The following DUOX2 variants were observed in gnomAD, a reference collection of about 807,000 sequenced individuals.
DUOX2 encodes the protein dual oxidase 2.
Under a neutral mutation model 183.3 loss-of-function variants are expected in DUOX2, and 185 were observed. That is an observed-to-expected ratio of 1.01 (90% CI 0.90 to 1.14). The LOEUF is 1.14. Ranked by LOEUF, DUOX2 falls within the 50% of genes most tolerant of loss-of-function variation. The pLI, the probability that DUOX2 is intolerant of heterozygous loss-of-function variation, is 0.00. For missense variants in DUOX2, 1,999 were observed against 2,022.9 expected (o/e 0.99, Z 0.23); for synonymous variants, 788 against 812.4 (o/e 0.97, Z 0.51).
At chr15:45,110,560 C>T (rs780318216) in intron 8 of DUOX2, 36 bp from the exon 9 acceptor site, 1 of 1,613,630 alleles carries the variant, frequency 6.2e-7, no homozygotes, top group South Asian at 1.1e-5. Context: ...GGGAGACAGG[C>T]TTCTTGCCTC....
At chr15:45,108,728 T>C in intron 12 of DUOX2, 61 bp downstream of exon 12, 1 of 1,551,206 alleles carries the variant, frequency 6.4e-7, no homozygotes, top group Non-Finnish European at 8.9e-7. Flanking sequence ...ATGTAAAGGG[T>C]TTGGAACAGT....
Position 45,113,076 on chromosome 15 carries a change from C to T in DUOX2, c.71G>A (p.Gly24Asp), listed in dbSNP as rs767490701. The T allele has an allele frequency of 1.2e-6, 2 of 1,613,548 alleles. No individual in the cohort carries two copies. Among genetic ancestry groups the T allele is most frequent in the Admixed American group, 3.3e-5 (2 of 59,964 alleles). The change falls in exon 3 of 34, where the codon GGC becomes GAC. Residue 24 changes from glycine (G) to aspartate (D), a missense_variant and splice_region_variant. This residue lies in a region of DUOX2 where 356 missense variants were observed against 356.4 expected (regional missense o/e 1.00). Transcript: ENST00000389039. The part of the protein sequence containing the change: ...ALLTGSLGPS[G>D]SQDALSLPWE... The stretch of plus-strand genomic sequence containing the variant: ...GGGCAGTGAGAGTGCGTCCTGACTG[C>T]CTGTGGGCACAGAGAAGGGCCTCCT...
chr15:45,102,651 G>A (rs770278083), intron 20 of DUOX2, among the ~76,000 whole-genome samples: 1 of 152,148 alleles, frequency 6.6e-6, no homozygotes, highest in East Asian at 1.9e-4. Flanking sequence ...TCGTCCCACC[G>A]ACAGTAAGCA....
chr15:45,107,886 A>AAAAAGAAAAAGAAAAAG (rs58052033), intron 13 of DUOX2, among the ~76,000 whole-genome samples, 161 bp downstream of exon 13: 10 of 124,734 alleles, frequency 8.0e-5, no homozygotes, highest in Non-Finnish European at 1.4e-4. Context: ...AAAGAAAAAG[A>AAAAAGAAAAAGAAAAAG]AAAAGAGAAG....
rs1428135505 is a variant in DUOX2 at position 45,106,908 on chromosome 15, C to A, written c.1755G>T (p.Leu585=). Residue 585 remains leucine, a synonymous_variant, in exon 15 of 34, where the codon CTG becomes CTT. Coordinates refer to ENST00000389039, the MANE Select transcript of DUOX2 (RefSeq NM_001363711.2). ...TTDGLPQCAP[L]TVLDFFEGSS... ...TGCCTTCAAAGAAGTCAAGCACAGT[C>A]AGGGGTGCACACTGGGGCAGGCCGT... The A allele has an allele frequency of 6.3e-7, 1 of 1,583,000 alleles. No individual in the cohort carries two copies. Among genetic ancestry groups the A allele is most frequent in the South Asian group, 1.2e-5 (1 of 86,240 alleles).
Position 45,110,433 on chromosome 15 carries a change from G to T in DUOX2, c.1035C>A (p.Tyr345Ter). The T allele has an allele frequency of 6.2e-7, 1 of 1,613,592 alleles. No individual in the cohort carries two copies. The highest frequency in any genetic ancestry group is 8.5e-7 in the Non-Finnish European group (1 of 1,179,668). The change falls in exon 9 of 34, where the codon TAC (tyrosine) becomes TAA (stop). Residue 345 changes from tyrosine (Y) to a stop codon, truncating the protein, a stop_gained. Coordinates refer to ENST00000389039, the MANE Select transcript of DUOX2 (RefSeq NM_001363711.2). LOFTEE classifies it high-confidence loss of function. ...TCTGCCAACCCCTCCCTCACCTCAT[G>T]TAGACACCAGGGGGCACCATGGTAG... Reference protein sequence around the residue: ...FFSTMVPPGVYMRNASCHFRK... With the variant: ...FFSTMVPPGV
chr15:45,097,878 A>G (rs1893948016), intron 27 of DUOX2, 131 bp downstream of exon 27: 3 of 1,553,610 alleles, frequency 1.9e-6, no homozygotes, highest in Non-Finnish European at 2.7e-6. Flanking sequence ...GCCTGGAGGG[A>G]TTTGAGCTGG....
intron 26 of DUOX2, chr15:45,099,136 G>A (rs1157745870): frequency 2.0e-5 from 8 of 398,384 alleles, no homozygotes; most frequent in East Asian, 1.1e-4. Flanking sequence ...TCAGCCTCCC[G>A]AGTAGCTGGG....
chr15:45,098,095 C>T, intron 26 of DUOX2, 37 bp from the exon 27 acceptor site: 1 of 1,598,884 alleles, frequency 6.3e-7, no homozygotes, highest in East Asian at 2.2e-5. Context: ...CTGACTGGGG[C>T]AGGAGGGGCT....
rs1485965084 is a variant in DUOX2 at position 45,108,173 on chromosome 15, T to C, written c.1448A>G (p.Glu483Gly). 2.5e-6 allele frequency: 4 copies of C among 1,614,002 alleles called. No homozygotes were observed. The highest frequency in any genetic ancestry group is 3.4e-6 in the Non-Finnish European group (4 of 1,180,008). The change falls in exon 13 of 34, where the codon GAG (glutamate) becomes GGG (glycine). Residue 483 changes from glutamate to glycine, a missense_variant. Around this residue, in one of 3 missense-constraint regions of DUOX2, gnomAD observed 1,628 missense variants for 1,608.6 expected, o/e 1.01. Transcript: ENST00000389039. ...ALYNQDLSQL[E>G]LLLGGLLESH... The stretch of plus-strand genomic sequence containing the variant: ...CTCCAGGAGCCCCCCAAGGAGCAGC[T>C]CTAGCTGGGATAGGTCCTGGTTGTA...
At position 45,104,341 on chromosome 15, in the gene DUOX2, C is replaced by A; in HGVS notation, c.2359G>T (p.Ala787Ser). 1 of 1,613,832 alleles carries A rather than the reference C, an allele frequency of 6.2e-7. No homozygotes were observed. The highest frequency in any genetic ancestry group is 8.5e-7 in the Non-Finnish European group (1 of 1,179,942). ...AQVLDINQAD[A>S]GTLPLDSSQK... ...GAGGAGTCCAGGGGCAGGGTCCCTG[C>A]GTCGGCCTGGTTGATGTCCAGCACC... is the stretch of plus-strand genomic sequence containing the variant. The change falls in exon 19 of 34, where the codon GCA becomes TCA. Residue 787 changes from alanine to serine, a missense_variant. By Grantham distance (99) the Ala-to-Ser change is moderately conservative. Coordinates refer to ENST00000389039, the MANE Select transcript of DUOX2 (RefSeq NM_001363711.2).
In DUOX2 at chr15:45,108,847, G is replaced by T. The variant is rs761332313; in HGVS notation, c.1340C>A (p.Ala447Asp). Residue 447 changes from alanine to aspartate, a missense_variant, in exon 12 of 34, where the codon GCC becomes GAC. Around this residue, in one of 3 missense-constraint regions of DUOX2, gnomAD observed 1,628 missense variants for 1,608.6 expected, o/e 1.01. Coordinates refer to ENST00000389039, the MANE Select transcript of DUOX2 (RefSeq NM_001363711.2). ...GLPSYSQALL[A>D]FGLDIPRNWS... ...GTTCCTTGGGATGTCCAGCCCAAAG[G>T]CCAGCAGGGCCTGGCTATAGCTGGG... The T allele has an allele frequency of 6.2e-7, 1 of 1,614,248 alleles. No homozygotes were observed. The highest frequency in any genetic ancestry group is 8.5e-7 in the Non-Finnish European group (1 of 1,180,042).
At chr15:45,101,075 T>C in intron 22 of DUOX2, 130 bp downstream of exon 22, 2 of 846,654 alleles carry the variant, frequency 2.4e-6, no homozygotes, top group Non-Finnish European at 3.9e-6. Context: ...GGAATGTTTG[T>C]GCTACCATGA....
At chr15:45,112,095 C>G in intron 4 of DUOX2, 140 bp from the exon 5 acceptor site, 3 of 992,654 alleles carry the variant, frequency 3.0e-6, no homozygotes, top group Non-Finnish European at 3.0e-6. Context: ...CACGTTAGCC[C>G]CAGGTAGCCT....
chr15:45,108,343 CTCT>C, intron 12 of DUOX2, 121 bp from the exon 13 acceptor site: 2 of 1,221,046 alleles, frequency 1.6e-6, no homozygotes, highest in South Asian at 2.7e-5. Context: ...GCCTGATTTC[CTCT>C]TCTTAGGCAA....
chr15:45,112,615 G>A lies in DUOX2; in HGVS notation c.264C>T (p.Ala88=), dbSNP rs745681608. ...LPNPRRLSNA[A]TRGIAGLPSL... ...ACGGCAGGCCGGCTATGCCCCGCGT[G>A]GCTGCGTTGCTGAGCCGGCGCGGGT... Residue 88 remains alanine (A), a synonymous_variant, in exon 4 of 34, where the codon GCC becomes GCT. Transcript: ENST00000389039. 6.2e-6 allele frequency: 10 copies of A among 1,612,740 alleles called. No homozygotes were observed. In the Admixed American group the frequency reaches 6.7e-5, roughly 11 times the overall value.
At chr15:45,105,895 A>C in intron 17 of DUOX2, 67 bp from the exon 18 acceptor site, 11 of 1,588,064 alleles carry the variant, frequency 6.9e-6, no homozygotes, top group Non-Finnish European at 9.5e-6. Context: ...CCTCCCCTCA[A>C]TGGATCTTGG....
chr15:45,108,148 CT>C lies in DUOX2; in HGVS notation c.1472del (p.Glu491GlyfsTer95). On this transcript the variant is annotated frameshift_variant, in exon 13 of 34. Coordinates refer to ENST00000389039, the MANE Select transcript of DUOX2 (RefSeq NM_001363711.2). LOFTEE classifies it high-confidence loss of function. Reference sequence around the variant, plus strand: ...ACAGGGGTCCAGGGTCCCCATGGCTCTCCAGGAGCCCCCCAAGGAGCAGCTC... The same window carrying C: ...ACAGGGGTCCAGGGTCCCCATGGCTCCCAGGAGCCCCCCAAGGAGCAGCTC... Reference protein sequence around the residue: ...QLELLLGGLLESHGDPGPLFS... With the variant: ...QLELLLGGLLXSHGDPGPLFS... The C allele has an allele frequency of 6.2e-7, 1 of 1,614,152 alleles. No homozygotes were observed. Among genetic ancestry groups the C allele is most frequent in the Non-Finnish European group, 8.5e-7 (1 of 1,180,000 alleles).
At chr15:45,105,449 T>C (rs1381356280) in intron 18 of DUOX2, among the ~76,000 whole-genome samples, 194 bp downstream of exon 18, 1 of 152,240 alleles carries the variant, frequency 6.6e-6, no homozygotes, top group Admixed American at 6.5e-5. Flanking sequence ...GAAACAGAGA[T>C]ACAGAACAGT....
Sources: allele counts gnomAD v4.1 joint callset (sites outside exome capture counted in the v4.1 genomes callset), GRCh38; gene constraint gnomAD v4.1.1; regional missense constraint gnomAD v4.1.1; transcripts MANE v1.5; gene names NCBI Gene and HGNC (gene_info 2026-07-23, HGNC 2026-07-21).